The following PKD1L1 variants were observed in gnomAD, a reference collection of about 807,000 sequenced individuals.
PKD1L1 encodes the protein polycystin-1-like protein 1.
In PKD1L1, 236 loss-of-function variants were observed where a neutral mutation model predicts 323.4. The ratio of observed to expected loss-of-function variants is 0.73; its 90% CI spans 0.66 to 0.81. The LOEUF (loss-of-function observed/expected upper bound fraction) is 0.81. PKD1L1 is among the 40% of genes least tolerant of loss of function. The pLI is 0.00. For synonymous variants in PKD1L1, 1,344 were observed against 1,335.0 expected (o/e 1.01, Z -0.15); for missense variants, 3,320 against 3,508.0 (o/e 0.95, Z 1.35).
chr7:47,832,235 G>A (rs1030591226), intron 41 of PKD1L1, among the ~76,000 whole-genome samples: 8 of 152,176 alleles, frequency 5.3e-5, no homozygotes, highest in Admixed American at 3.9e-4. Context: ...CAACCTCATC[G>A]GTGGCTGGTC....
intron 31 of PKD1L1, among the ~76,000 whole-genome samples, chr7:47,851,455 A>G (rs2128740696): frequency 6.6e-6 from 1 of 152,296 alleles, no homozygotes; most frequent in South Asian, 2.1e-4. Context: ...CATAGAGACA[A>G]GAGAGCAAGA....
intron 56 of PKD1L1, among the ~76,000 whole-genome samples, chr7:47,790,626 G>A (rs761384421): frequency 1.8e-4 from 28 of 152,054 alleles, no homozygotes; most frequent in Admixed American, 3.3e-4. Context: ...TCACCGCACC[G>A]GGCCATAACT....
intron 22 of PKD1L1, among the ~76,000 whole-genome samples, chr7:47,877,104 C>T (rs1314225565): frequency 1.3e-5 from 2 of 152,108 alleles, no homozygotes; most frequent in Non-Finnish European, 2.9e-5. Context: ...GAGGGTAAGT[C>T]CGTGTTAGAA....
intron 6 of PKD1L1, 93 bp downstream of exon 6, chr7:47,931,011 G>A (rs551632899): frequency 8.6e-6 from 11 of 1,272,378 alleles, no homozygotes; most frequent in Middle Eastern, 2.8e-4. Flanking sequence ...AGCAAACAAC[G>A]AAGATACTAA....
chr7:47,824,960 A>AT (rs1409533889), intron 45 of PKD1L1, among the ~76,000 whole-genome samples: 1 of 152,250 alleles, frequency 6.6e-6, no homozygotes, highest in Non-Finnish European at 1.5e-5. Context: ...GATTGTAAAA[A>AT]GTGTGGATGC....
Position 47,829,584 on chromosome 7 carries a change from C to T in PKD1L1, c.6576G>A (p.Leu2192=). The change falls in exon 44 of 57, where the codon TTG becomes TTA. Residue 2192 remains leucine (L), a synonymous_variant. Transcript: ENST00000289672. ...CAGCTCTTCTTTTCCAAGCAAAACCCAAGGCCATGAGGCATACCTGGAAGG... is the reference window on the plus strand; with the variant it reads ...CAGCTCTTCTTTTCCAAGCAAAACCTAAGGCCATGAGGCATACCTGGAAGG... The part of the protein sequence containing the change: ...TQPLMVCLMA[L]GFAWKRRADN... The T allele has an allele frequency of 6.2e-7, 1 of 1,612,470 alleles. No homozygotes were observed.
chr7:47,938,360 G>A (rs533797189), intron 3 of PKD1L1, among the ~76,000 whole-genome samples: 2 of 152,130 alleles, frequency 1.3e-5, no homozygotes, highest in African/African-American at 2.4e-5. Context: ...CTTCTGTGAC[G>A]AGAACAGGGA....
rs770149347 is a variant in PKD1L1 at position 47,827,330 on chromosome 7, C to T, written c.6854+20G>A. The stretch of plus-strand genomic sequence containing the variant: ...GGAGCTGGAGTGGAGCAAGCCCTCC[C>T]GACAGAAGCCGCCACCCACCTCAGG... On this transcript the variant is annotated intron_variant, in intron 45 of 56. Transcript: ENST00000289672. 4.7e-5 allele frequency: 75 copies of T among 1,586,136 alleles called. No homozygotes were observed. The highest frequency in any genetic ancestry group is 1.1e-4 in the South Asian group (10 of 87,360).
At chr7:47,868,590 A>C (rs1786215467) in intron 24 of PKD1L1, among the ~76,000 whole-genome samples, 3 of 151,062 alleles carry the variant, frequency 2.0e-5, no homozygotes, top group Admixed American at 6.6e-5. Flanking sequence ...AAAGACAGAA[A>C]ACTGGCCAGG....
At chr7:47,786,395 C>T (rs1343588774) in intron 56 of PKD1L1, among the ~76,000 whole-genome samples, 1 of 152,180 alleles carries the variant, frequency 6.6e-6, no homozygotes, top group South Asian at 2.1e-4. Flanking sequence ...AGAGCACAAA[C>T]CTTGCTGAAA....
chr7:47,875,541 T>C (rs904920478), intron 23 of PKD1L1, among the ~76,000 whole-genome samples: 2 of 152,216 alleles, frequency 1.3e-5, no homozygotes. Context: ...TCAAGATACC[T>C]TCCTAAATGG....
In PKD1L1 at chr7:47,835,122, G is replaced by T. The variant is rs1272317053; in HGVS notation, c.6054+11C>A. 15 of 1,601,980 alleles carry T rather than the reference G, an allele frequency of 9.4e-6. No individual in the cohort carries two copies. Among genetic ancestry groups the T allele is most frequent in the Non-Finnish European group, 1.3e-5 (15 of 1,172,836 alleles). Reference sequence around the variant, plus strand: ...CAGGAGAACAGGGCCATGAGGACAAGTCGCAGGTACCTTGCTGAGCCTGAA... The same window carrying T: ...CAGGAGAACAGGGCCATGAGGACAATTCGCAGGTACCTTGCTGAGCCTGAA... On this transcript the variant is annotated intron_variant, in intron 38 of 56. Coordinates refer to ENST00000289672, the MANE Select transcript of PKD1L1 (RefSeq NM_138295.5).
chr7:47,905,065 T>C, intron 11 of PKD1L1, 92 bp downstream of exon 11: 2 of 1,413,090 alleles, frequency 1.4e-6, no homozygotes, highest in South Asian at 1.4e-5. Flanking sequence ...GCAACAGCCA[T>C]AAAATGCCTT....
At chr7:47,956,825 G>A in the PKD1L1 span, 1 of 157,320 alleles carries the variant, frequency 6.4e-6, no homozygotes, top group Middle Eastern at 7.9e-4. Flanking sequence ...AAATGATGAT[G>A]ATGATGATGA....
chr7:47,934,435 G>A (rs1343062519), intron 4 of PKD1L1, among the ~76,000 whole-genome samples: 1 of 152,174 alleles, frequency 6.6e-6, no homozygotes, highest in Admixed American at 6.5e-5. Flanking sequence ...ATGTCAACCC[G>A]GATCTTCTGT....
intron 7 of PKD1L1, among the ~76,000 whole-genome samples, chr7:47,923,537 T>A (rs1787598730): frequency 6.6e-6 from 1 of 151,506 alleles, no homozygotes. Context: ...CCTATGGAAA[T>A]AAATTTTAAA....
chr7:47,792,315 T>G (rs1021509632), intron 56 of PKD1L1, among the ~76,000 whole-genome samples: 15 of 140,600 alleles, frequency 1.1e-4, no homozygotes, highest in Non-Finnish European at 1.6e-4. Flanking sequence ...GATTTCTGGG[T>G]TTTTTTTTGT....
At chr7:47,937,063 C>CTATTT in intron 3 of PKD1L1, 105 bp from the exon 4 acceptor site, 19 of 853,538 alleles carry the variant, frequency 2.2e-5, no homozygotes, top group Non-Finnish European at 3.5e-5. Flanking sequence ...TGGACCCCTG[C>CTATTT]TGTGCGCCCA....
At chr7:47,788,830 C>T (rs1786874643) in intron 56 of PKD1L1, among the ~76,000 whole-genome samples, 1 of 151,838 alleles carries the variant, frequency 6.6e-6, no homozygotes, top group African/African-American at 2.4e-5. Flanking sequence ...ATCTCCTGAC[C>T]TCATGATCCG....
Sources: allele counts gnomAD v4.1 joint callset (sites outside exome capture counted in the v4.1 genomes callset), GRCh38; gene constraint gnomAD v4.1.1; transcripts MANE v1.5; gene names NCBI Gene and HGNC (gene_info 2026-07-23, HGNC 2026-07-21).